Variants in ZFP82 observed in about 807,000 individuals in gnomAD.
The protein encoded by ZFP82 is zinc finger protein 82 homolog.
Under a neutral mutation model 54.0 loss-of-function variants are expected in ZFP82, and 30 were observed. The observed-to-expected ratio is 0.56, with a 90% CI of 0.42 to 0.75. The LOEUF is 0.75. Ranked by LOEUF, ZFP82 falls within the 30% of genes least tolerant of loss-of-function variation. The pLI, the probability that ZFP82 is intolerant of heterozygous loss-of-function variation, is 0.00. For synonymous variants in ZFP82, 194 were observed against 209.5 expected, an observed-to-expected ratio of 0.93 and a Z score of 0.64; for missense variants, 500 against 636.8, an observed-to-expected ratio of 0.79 and a Z score of 2.31.
In ZFP82 at chr19:36,393,840, T is replaced by C; in HGVS notation, c.500A>G (p.Asp167Gly). The change falls in exon 5 of 5, where the codon GAT (aspartate) becomes GGT (glycine). Residue 167 changes from aspartate to glycine, a missense_variant. Coordinates refer to ENST00000392161, the MANE Select transcript of ZFP82 (RefSeq NM_133466.4). Reference sequence around the variant, plus strand: ...ACATTCCTTACATTCATAGGGTTTATCAACAAAATGAAGTCTCTGATGTGG... The same window carrying C: ...ACATTCCTTACATTCATAGGGTTTACCAACAAAATGAAGTCTCTGATGTGG... ...VTPHQRLHFV[D>G]KPYECKECGK... is the part of the protein sequence containing the mutation. 6.2e-7 allele frequency: 1 copy of C among 1,614,228 alleles called. No homozygotes were observed. The highest frequency in any genetic ancestry group is 8.5e-7 in the Non-Finnish European group (1 of 1,180,036).
chr19:36,405,775 A>C, intron 3 of ZFP82, 103 bp from the exon 4 acceptor site: 1 of 619,376 alleles, frequency 1.6e-6, no homozygotes, highest in Non-Finnish European at 2.5e-6. Flanking sequence ...AGTAATTAAT[A>C]AGGCAAAACA....
At chr19:36,415,233 T>C (rs1043777858) in intron 1 of ZFP82, among the ~76,000 whole-genome samples, 8 of 152,092 alleles carry the variant, frequency 5.3e-5, no homozygotes, top group African/African-American at 1.9e-4. Context: ...CAGAAAAAAA[T>C]GGAAAAGCAA....
chr19:36,409,964 C>T, intron 1 of ZFP82, 97 bp from the exon 2 acceptor site: 1 of 619,498 alleles, frequency 1.6e-6, no homozygotes, highest in Non-Finnish European at 2.8e-6. Flanking sequence ...TCTGATCTCT[C>T]CACCACAGCT....
intron 3 of ZFP82, among the ~76,000 whole-genome samples, chr19:36,406,969 CTT>C (rs2032492427): frequency 6.6e-6 from 1 of 151,524 alleles, no homozygotes; most frequent in South Asian, 2.1e-4. Context: ...AAAATACTCT[CTT>C]GTAGCTATTT....
chr19:36,397,854 G>A (rs1328718634), intron 4 of ZFP82, among the ~76,000 whole-genome samples: 1 of 152,092 alleles, frequency 6.6e-6, no homozygotes, highest in East Asian at 1.9e-4. Flanking sequence ...CCAAAGTGCT[G>A]GGATTACAGG....
intron 4 of ZFP82, among the ~76,000 whole-genome samples, chr19:36,400,606 T>C (rs774121413): frequency 5.9e-5 from 9 of 152,194 alleles, no homozygotes; most frequent in Non-Finnish European, 1.2e-4. Flanking sequence ...CCTGCACACA[T>C]AACTACACTG....
chr19:36,407,747 G>T, intron 3 of ZFP82, 140 bp downstream of exon 3: 1 of 848,512 alleles, frequency 1.2e-6, no homozygotes, highest in Non-Finnish European at 1.8e-6. Context: ...CACTTCCAAT[G>T]AAATAAAGCT....
At chr19:36,409,914 TC>T in intron 1 of ZFP82, 47 bp from the exon 2 acceptor site, 1 of 982,410 alleles carries the variant, frequency 1.0e-6, no homozygotes, top group Non-Finnish European at 1.6e-6. Context: ...ACCTCAGAAA[TC>T]CCCAAATGAT....
At chr19:36,406,637 T>G (rs1001417495) in intron 3 of ZFP82, among the ~76,000 whole-genome samples, 2 of 152,240 alleles carry the variant, frequency 1.3e-5, no homozygotes, top group African/African-American at 4.8e-5. Flanking sequence ...ATCCATTTAT[T>G]TAGATAATGT....
In ZFP82 at chr19:36,391,336, A is replaced by G. The variant is rs540653702; in HGVS notation, c.*1405T>C. ...CCTCAAAATGCTAAATTGACAATTT[A>G]GCATTTTTAAAAAACAATGAAGTAG... On this transcript the variant is annotated 3_prime_UTR_variant, in exon 5 of 5. Transcript: ENST00000392161. The G allele has an allele frequency of 6.6e-6, 1 of 152,260 alleles. No homozygotes were observed. The highest frequency in any genetic ancestry group is 2.1e-4 in the South Asian group (1 of 4,826). 9.4% of individuals were successfully genotyped at this position (152,260 alleles called of 1,614,324 possible).
chr19:36,410,356 G>C (rs929034304), intron 1 of ZFP82, among the ~76,000 whole-genome samples: 3 of 152,054 alleles, frequency 2.0e-5, no homozygotes, highest in Non-Finnish European at 4.4e-5. Context: ...AACAGGCATG[G>C]ATTCATGCTC....
Position 36,394,092 on chromosome 19 carries a change from T to A in ZFP82, c.248A>T (p.Glu83Val). The stretch of plus-strand genomic sequence containing the variant: ...ATTTTCTAAAGATAACTTCTTGGTC[T>A]CATACTTGGTCTCCAAATCTAAAAT... ...RQYPDLETKYETKKLSLENDI... is the reference protein window; with the variant it reads ...RQYPDLETKYVTKKLSLENDI... Residue 83 changes from glutamate to valine, a missense_variant, in exon 5 of 5, where the codon GAG (glutamate) becomes GTG (valine). Glu to Val is a moderately radical substitution (Grantham distance 121). Transcript: ENST00000392161. 6.2e-7 allele frequency: 1 copy of A among 1,605,448 alleles called. No individual in the cohort carries two copies.
intron 1 of ZFP82, 36 bp from the exon 2 acceptor site, chr19:36,409,903 G>A: frequency 1.8e-6 from 2 of 1,105,148 alleles, no homozygotes; most frequent in Non-Finnish European, 2.7e-6. Context: ...AGATCAGATG[G>A]ACCTCAGAAA....
At chr19:36,396,061 ATT>A (rs34319197) in intron 4 of ZFP82, 7 of 136,810 alleles carry the variant, frequency 5.1e-5, no homozygotes, top group Non-Finnish European at 6.3e-5. Context: ...ACGCCTGGCT[ATT>A]TTTTTTTTTT....
At chr19:36,386,818 C>T (rs375687064), downstream of ZFP82, among the ~76,000 whole-genome samples, 6 of 152,322 alleles carry the variant, frequency 3.9e-5, no homozygotes, top group South Asian at 8.3e-4. Flanking sequence ...ATGCTGTAAT[C>T]CCAGCTACTC....
rs1196083347 is a variant in ZFP82, at chr19:36,392,573, C to T, written c.*168G>A. 3.5e-6 allele frequency: 2 copies of T among 577,340 alleles called. No individual in the cohort carries two copies. The highest frequency in any genetic ancestry group is 5.7e-6 in the Non-Finnish European group (2 of 348,068). The allele number at this position is 577,340 out of a possible 1,614,324, so 35.8% of individuals were successfully genotyped here. On this transcript the variant is annotated 3_prime_UTR_variant, in exon 5 of 5. Transcript: ENST00000392161. ...CTTATAACAGGATTAGTTTTTAGAA[C>T]AAATATGCTGAAGTTTCAGGTTTGA...
chr19:36,414,842 A>G (rs948855333), intron 1 of ZFP82, among the ~76,000 whole-genome samples: 5 of 97,038 alleles, frequency 5.2e-5, no homozygotes, highest in African/African-American at 2.0e-4. Context: ...TTTTTTTTTG[A>G]GACAGTTTCG....
chr19:36,409,682 G>A (rs1331524607), intron 2 of ZFP82, 99 bp downstream of exon 2: 3 of 1,314,890 alleles, frequency 2.3e-6, no homozygotes, highest in Non-Finnish European at 3.3e-6. Flanking sequence ...CTGGAAGAAG[G>A]TTCTTGGATG....
At chr19:36,402,125 G>A (rs1277126784) in intron 4 of ZFP82, among the ~76,000 whole-genome samples, 7 of 152,164 alleles carry the variant, frequency 4.6e-5, no homozygotes, top group Non-Finnish European at 8.8e-5. Context: ...AATACATTTT[G>A]AGTGTTAATA....
Sources: gnomAD v4.1 joint callset for allele counts (sites outside exome capture counted in the v4.1 genomes callset) on GRCh38, gnomAD v4.1.1 for gene constraint, MANE v1.5 for transcripts, NCBI Gene and HGNC (gene_info 2026-07-23, HGNC 2026-07-21) for gene names.